PDZD2: variants seen among roughly 807,000 people sequenced by gnomAD.
PDZD2 encodes the protein PDZ domain containing 2.
In PDZD2, 90 loss-of-function variants were observed where a neutral mutation model predicts 220.7. That is an observed-to-expected ratio of 0.41 (90% CI 0.34 to 0.49). PDZD2 has a LOEUF of 0.49. Among genes scored for constraint, PDZD2 ranks in the 20% least tolerant of loss-of-function variants. The pLI, the probability that PDZD2 is intolerant of heterozygous loss-of-function variation, is 0.28. For missense variants in PDZD2, 3,174 were observed against 3,608.5 expected (o/e 0.88, Z 3.08); for synonymous variants, 1,375 against 1,450.5 (o/e 0.95, Z 1.18).
rs1042938096 is a variant in PDZD2 at position 32,089,628 on chromosome 5, T to C, written c.6180T>C (p.His2060=). The change falls in exon 20 of 25, where the codon CAT becomes CAC. Residue 2060 remains histidine, a synonymous_variant. Coordinates refer to ENST00000438447, the MANE Select transcript of PDZD2 (RefSeq NM_178140.4). ...NRQSEPRLAS[H]VAADTAQPRP... ...AGAGTGAGCCGCGCCTGGCCAGCCA[T>C]GTGGCAGCAGACACAGCCCAACCCA... 4.3e-6 allele frequency: 7 copies of C among 1,613,618 alleles called. No individual in the cohort carries two copies. The highest frequency in any genetic ancestry group is 1.6e-4 in the Middle Eastern group (1 of 6,062).
chr5:31,744,392 G>A (rs1750457080), intron 1 of PDZD2: 1 of 151,944 alleles, frequency 6.6e-6, no homozygotes. Flanking sequence ...TCCTTACTAG[G>A]TAAAAAAAGT....
At chr5:31,841,840 G>A (rs748864943) in intron 2 of PDZD2, among the ~76,000 whole-genome samples, 4 of 151,782 alleles carry the variant, frequency 2.6e-5, no homozygotes, top group African/African-American at 4.8e-5. Context: ...GTATGGTGGC[G>A]CATGCCTGTA....
chr5:32,076,202 C>T (rs1054086855), intron 18 of PDZD2, among the ~76,000 whole-genome samples: 5 of 149,022 alleles, frequency 3.4e-5, no homozygotes, highest in Non-Finnish European at 7.4e-5. Context: ...AGGAGAATCT[C>T]TTGAACTCGG....
In PDZD2 at chr5:31,737,259, G is replaced by A. The variant is rs189868817; in HGVS notation, c.-360-61630G>A. 6.1e-3 allele frequency among the ~76,000 whole-genome samples: 815 copies of A among 133,022 alleles called. 5 individuals carry two copies. Among genetic ancestry groups the A allele is most frequent in the African/African-American group, 0.02 (689 of 35,088 alleles). The allele number at this position is 133,022 out of a possible 152,430, so 87.3% of individuals were successfully genotyped here. On this transcript the variant is annotated intron_variant, in intron 1 of 24. Transcript: ENST00000438447. ...GCCATCTCGGCTCACTGCAAGCTCC[G>A]CCTCTCAGGTTCACGCCATTCTCCT...
chr5:31,779,662 C>T (rs565355624), intron 1 of PDZD2, among the ~76,000 whole-genome samples: 13 of 152,130 alleles, frequency 8.5e-5, no homozygotes, highest in African/African-American at 2.9e-4. Context: ...TGTGAGCCAC[C>T]GCGCCCGGCC....
At chr5:31,660,402 A>T (rs968783215) in intron 1 of PDZD2, among the ~76,000 whole-genome samples, 2 of 152,154 alleles carry the variant, frequency 1.3e-5, no homozygotes, top group Admixed American at 1.3e-4. Flanking sequence ...CACTGCTATG[A>T]AGAAATACCT....
rs755887335 is a variant in PDZD2, at chr5:32,053,745, G to T, written c.1786-24G>T. The T allele has an allele frequency of 4.6e-5, 59 of 1,282,284 alleles. 1 individual carries two copies. Among genetic ancestry groups the T allele is most frequent in the South Asian group, 1.2e-5 (1 of 84,458 alleles). The allele number at this position is 1,282,284 out of a possible 1,614,324, so 79.4% of individuals were successfully genotyped here. A position where few individuals can be genotyped will look rare whatever the true frequency, so the allele number is the denominator to read the frequency against. ...AGTTAAATACCACACTGTCAACCTG[G>T]ACTCTCATCTGCTTCGGATCTAGGG... is the stretch of plus-strand genomic sequence containing the variant. On this transcript the variant is annotated intron_variant, in intron 9 of 24. Coordinates refer to ENST00000438447, the MANE Select transcript of PDZD2 (RefSeq NM_178140.4).
At position 31,908,553 on chromosome 5, in the gene PDZD2, G is replaced by A. The variant is rs1007054534; in HGVS notation, c.477-74602G>A. 77 of 993,028 alleles carry A rather than the reference G, an allele frequency of 7.8e-5. 1 individual carries two copies. Among genetic ancestry groups the A allele is most frequent in the Admixed American group, 5.6e-5 (3 of 53,222 alleles). The allele number at this position is 993,028 out of a possible 1,614,324, so 61.5% of individuals were successfully genotyped here. Reference sequence around the variant, plus strand: ...GCGAGGGCACGGAAAGCACAGTAATGGCTGGTGTTGATACTGTCATGAACC... The same window carrying A: ...GCGAGGGCACGGAAAGCACAGTAATAGCTGGTGTTGATACTGTCATGAACC... On this transcript the variant is annotated intron_variant, in intron 2 of 24. Coordinates refer to ENST00000438447, the MANE Select transcript of PDZD2 (RefSeq NM_178140.4).
Position 32,057,909 on chromosome 5 carries a change from T to C in PDZD2, c.2006T>C (p.Val669Ala). ...QIRSGLFVLT[V>A]RTKLVSPSLT... ...CGGAGTGGATTATTTGTTTTAACGG[T>C]ACGCACAAAGTTGGTGAGCCCCAGC... Residue 669 changes from valine (V) to alanine (A), a missense_variant, in exon 12 of 25, where the codon GTA becomes GCA. Transcript: ENST00000438447. 1 of 1,613,734 alleles carries C rather than the reference T, an allele frequency of 6.2e-7. No homozygotes were observed. The highest frequency in any genetic ancestry group is 8.5e-7 in the Non-Finnish European group (1 of 1,179,734).
At chr5:31,898,808 C>CTTTTTTTTTTTTTTTTTTT (rs35589628) in intron 2 of PDZD2, among the ~76,000 whole-genome samples, 42 of 123,432 alleles carry the variant, frequency 3.4e-4, no homozygotes, top group Non-Finnish European at 3.6e-4. Context: ...AGCCTCTCTT[C>CTTTTTTTTTTTTTTTTTTT]TTTTTTTTTT....
At chr5:31,645,399 C>T (rs534608816) in intron 1 of PDZD2, among the ~76,000 whole-genome samples, 35 of 148,784 alleles carry the variant, frequency 2.4e-4, no homozygotes, top group African/African-American at 5.3e-4. Context: ...TGCAGTGGCG[C>T]GATCTTGGCT....
At chr5:31,705,011 A>C (rs901341125) in intron 1 of PDZD2, among the ~76,000 whole-genome samples, 2 of 152,148 alleles carry the variant, frequency 1.3e-5, no homozygotes, top group Non-Finnish European at 2.9e-5. Flanking sequence ...AAATACAAAA[A>C]TTAGCCAGGT....
In PDZD2 at chr5:32,089,026, A is replaced by G. The variant is rs752542586; in HGVS notation, c.5578A>G (p.Asn1860Asp). ...SPPQPKTNLE[N>D]KDLSKKSPAE... ...TCCTCAGCCGAAAACAAACCTGGAAAATAAGGACCTGTCTAAGAAGAGTCC... is the reference window on the plus strand; with the variant it reads ...TCCTCAGCCGAAAACAAACCTGGAAGATAAGGACCTGTCTAAGAAGAGTCC... The change falls in exon 20 of 25, where the codon AAT (asparagine) becomes GAT (aspartate). Residue 1860 changes from asparagine to aspartate, a missense_variant. Physicochemically the swap from Asn to Asp is conservative, Grantham distance 23. Around this residue, in one of 4 missense-constraint regions of PDZD2, gnomAD observed 1,861 missense variants for 2,001.0 expected, o/e 0.93. Coordinates refer to ENST00000438447, the MANE Select transcript of PDZD2 (RefSeq NM_178140.4). The G allele has an allele frequency of 1.8e-5, 29 of 1,613,816 alleles. No individual in the cohort carries two copies. Among genetic ancestry groups the G allele is most frequent in the Non-Finnish European group, 2.5e-5 (29 of 1,180,002 alleles).
At chr5:31,989,421 C>CTTTTTTTTTTTT (rs869045113) in intron 3 of PDZD2, among the ~76,000 whole-genome samples, 23 of 119,904 alleles carry the variant, frequency 1.9e-4, no homozygotes, top group Non-Finnish European at 2.7e-4. Context: ...ATTTTCTTTT[C>CTTTTTTTTTTTT]TTTTTTTTTT....
intron 8 of PDZD2, among the ~76,000 whole-genome samples, chr5:32,049,923 C>T (rs1004533962): frequency 6.6e-6 from 1 of 152,068 alleles, no homozygotes; most frequent in African/African-American, 2.4e-5. Flanking sequence ...TGGAAGATGG[C>T]CTGTCAGTCG....
At chr5:31,642,519 G>C (rs897607898) in intron 1 of PDZD2, among the ~76,000 whole-genome samples, 1 of 152,216 alleles carries the variant, frequency 6.6e-6, no homozygotes, top group Non-Finnish European at 1.5e-5. Flanking sequence ...GAAACTGCAG[G>C]TATAGACACT....
At chr5:32,002,880 A>AC (rs1431395950) in intron 5 of PDZD2, among the ~76,000 whole-genome samples, 9 of 43,702 alleles carry the variant, frequency 2.1e-4, no homozygotes, top group South Asian at 8.4e-4. Context: ...TACCACACAC[A>AC]CACCACACAC....
In PDZD2 at chr5:31,861,947, T is replaced by C. The variant is rs144301711; in HGVS notation, c.476+62223T>C. Among the ~76,000 whole-genome samples, 622 of 152,304 alleles carry C rather than the reference T, an allele frequency of 4.1e-3. 4 individuals are homozygous for C. The highest frequency in any genetic ancestry group is 0.014 in the African/African-American group (575 of 41,578). On this transcript the variant is annotated intron_variant, in intron 2 of 24. Transcript: ENST00000438447. ...AATGGAAGGCCTTCAAAGCCTGTTCTATACTATATAAATGTATGCCTTATA... is the reference window on the plus strand; with the variant it reads ...AATGGAAGGCCTTCAAAGCCTGTTCCATACTATATAAATGTATGCCTTATA...
At chr5:32,019,174 C>T (rs894443639) in intron 6 of PDZD2, among the ~76,000 whole-genome samples, 1 of 133,708 alleles carries the variant, frequency 7.5e-6, no homozygotes, top group African/African-American at 2.7e-5. Context: ...CAGGGTCTCA[C>T]TCTGTTGCCC....
Sources: gnomAD v4.1 joint callset for allele counts (sites outside exome capture counted in the v4.1 genomes callset) on GRCh38, gnomAD v4.1.1 for gene constraint, gnomAD v4.1.1 regional missense constraint, MANE v1.5 for transcripts, NCBI Gene and HGNC (gene_info 2026-07-23, HGNC 2026-07-21) for gene names.